Variants in RCAN2 observed in about 807,000 individuals in gnomAD.
RCAN2 encodes the protein regulator of calcineurin 2.
Under a neutral mutation model 23.6 loss-of-function variants are expected in RCAN2, and 9 were observed. The ratio of observed to expected loss-of-function variants is 0.38; its 90% confidence interval spans 0.23 to 0.67. RCAN2 has a LOEUF of 0.67. Among genes scored for constraint, RCAN2 ranks in the 30% least tolerant of loss-of-function variants. The pLI is 0.51. For synonymous variants in RCAN2, 109 were observed against 115.7 expected, an observed-to-expected ratio of 0.94 and a Z score of 0.37; for missense variants, 273 against 302.3, an observed-to-expected ratio of 0.90 and a Z score of 0.72.
At chr6:46,243,825 AAAAAAAAC>A (rs1184767330) in intron 4 of RCAN2, among the ~76,000 whole-genome samples, 1 of 150,504 alleles carries the variant, frequency 6.6e-6, no homozygotes, top group East Asian at 1.9e-4. Context: ...AAAAAAAAAA[AAAAAAAAC>A]CAAGAAATAA....
chr6:46,291,713 T>C (rs1050841873), intron 2 of RCAN2, among the ~76,000 whole-genome samples: 16 of 152,152 alleles, frequency 1.1e-4, no homozygotes, highest in Non-Finnish European at 2.4e-4. Flanking sequence ...AAACATTCTG[T>C]GATTCTGCAG....
chr6:46,223,910 T>C (rs975961789), intron 4 of RCAN2, among the ~76,000 whole-genome samples: 1 of 152,240 alleles, frequency 6.6e-6, no homozygotes, highest in African/African-American at 2.4e-5. Flanking sequence ...GTTAGCTGAC[T>C]GGCTTTCTGT....
At chr6:46,482,336 C>G (rs373725204) in intron 1 of RCAN2, among the ~76,000 whole-genome samples, 1 of 152,038 alleles carries the variant, frequency 6.6e-6, no homozygotes, top group African/African-American at 2.4e-5. Context: ...AATAATATCT[C>G]TTTGTTTTCA....
chr6:46,231,514 A>G (rs1212244650), intron 4 of RCAN2, among the ~76,000 whole-genome samples: 2 of 151,734 alleles, frequency 1.3e-5, no homozygotes, highest in African/African-American at 4.8e-5. Context: ...GGTTCAAGCA[A>G]TTCTCTTGCC....
At chr6:46,427,037 A>G (rs1215019297) in intron 2 of RCAN2, among the ~76,000 whole-genome samples, 1 of 152,208 alleles carries the variant, frequency 6.6e-6, no homozygotes, top group Non-Finnish European at 1.5e-5. Context: ...CATTGGGAAT[A>G]ATATGGAAGA....
chr6:46,410,344 C>A (rs1047676854), intron 2 of RCAN2, among the ~76,000 whole-genome samples: 4 of 152,292 alleles, frequency 2.6e-5, no homozygotes, highest in South Asian at 4.1e-4. Context: ...TATCTACCTA[C>A]CTACGTACCT....
At chr6:46,229,592 G>A (rs570480256) in intron 4 of RCAN2, among the ~76,000 whole-genome samples, 1 of 152,254 alleles carries the variant, frequency 6.6e-6, no homozygotes, top group Non-Finnish European at 1.5e-5. Context: ...GCATCACATA[G>A]TTCTCTTGCC....
chr6:46,297,181 G>A (rs377238227), intron 2 of RCAN2, among the ~76,000 whole-genome samples: 1 of 151,974 alleles, frequency 6.6e-6, no homozygotes, highest in Non-Finnish European at 1.5e-5. Context: ...ACTGCAGCAG[G>A]TACCCCATGG....
intron 2 of RCAN2, among the ~76,000 whole-genome samples, chr6:46,445,033 G>A (rs1245948267): frequency 6.6e-6 from 1 of 152,110 alleles, no homozygotes; most frequent in East Asian, 1.9e-4. Flanking sequence ...ACAGTGCCAG[G>A]CCAGTCCCTG....
chr6:46,484,930 C>T (rs1768957542), intron 1 of RCAN2, among the ~76,000 whole-genome samples: 1 of 151,976 alleles, frequency 6.6e-6, no homozygotes, highest in Non-Finnish European at 1.5e-5. Flanking sequence ...AAAAAGAGTG[C>T]TTACAAGAAG....
chr6:46,445,776 A>G (rs1376764590), intron 2 of RCAN2, among the ~76,000 whole-genome samples: 1 of 152,222 alleles, frequency 6.6e-6, no homozygotes, highest in African/African-American at 2.4e-5. Context: ...AACTAAGTTA[A>G]AAATACAATA....
chr6:46,425,398 T>C (rs970007366), intron 2 of RCAN2, among the ~76,000 whole-genome samples: 20 of 152,126 alleles, frequency 1.3e-4, no homozygotes, highest in African/African-American at 4.6e-4. Context: ...GGCAAAAACA[T>C]CCTTGTACCT....
chr6:46,334,473 C>T (rs747679351), intron 2 of RCAN2, among the ~76,000 whole-genome samples: 1 of 152,172 alleles, frequency 6.6e-6, no homozygotes, highest in Non-Finnish European at 1.5e-5. Context: ...AATAAATCTA[C>T]AACCTAGGTC....
At chr6:46,418,924 C>A (rs1766788034) in intron 2 of RCAN2, among the ~76,000 whole-genome samples, 1 of 151,522 alleles carries the variant, frequency 6.6e-6, no homozygotes, top group South Asian at 2.1e-4. Flanking sequence ...CCCGTCTCTA[C>A]TAAAAATATA....
At chr6:46,331,917 G>A (rs1763986661) in intron 2 of RCAN2, among the ~76,000 whole-genome samples, 1 of 152,128 alleles carries the variant, frequency 6.6e-6, no homozygotes, top group South Asian at 2.1e-4. Context: ...AACATAATTG[G>A]CTAGTTGCCT....
intron 2 of RCAN2, among the ~76,000 whole-genome samples, chr6:46,269,972 C>G (rs1356470184): frequency 1.3e-5 from 2 of 152,160 alleles, no homozygotes; most frequent in Non-Finnish European, 2.9e-5. Flanking sequence ...TGCCAGCTCT[C>G]CAAGGCTAAG....
intron 2 of RCAN2, among the ~76,000 whole-genome samples, chr6:46,317,039 C>T (rs1763462518): frequency 6.6e-6 from 1 of 152,118 alleles, no homozygotes; most frequent in South Asian, 2.1e-4. Context: ...ATTAATATTG[C>T]TTTCACTGCC....
chr6:46,292,771 G>A (rs568758300), intron 2 of RCAN2, among the ~76,000 whole-genome samples: 2 of 151,782 alleles, frequency 1.3e-5, no homozygotes, highest in East Asian at 1.9e-4. Context: ...TGTGCAGAAC[G>A]TGCAGGTTTG....
At chr6:46,462,373 C>T (rs1768242968) in intron 1 of RCAN2, among the ~76,000 whole-genome samples, 2 of 152,180 alleles carry the variant, frequency 1.3e-5, no homozygotes, top group African/African-American at 2.4e-5. Context: ...TTGCATTTGA[C>T]TCATTTTAAT....
Sources: allele counts gnomAD v4.1 joint callset (sites outside exome capture counted in the v4.1 genomes callset), GRCh38; gene constraint gnomAD v4.1.1; transcripts MANE v1.5; gene names NCBI Gene and HGNC (gene_info 2026-07-23, HGNC 2026-07-21).